DOCK2: variants seen among roughly 807,000 people sequenced by gnomAD.
DOCK2 encodes the protein dedicator of cytokinesis protein 2.
In DOCK2, 87 loss-of-function variants were observed where a neutral mutation model predicts 248.9. The observed-to-expected ratio is 0.35, with a 90% CI of 0.29 to 0.42. The LOEUF is 0.42. Ranked by LOEUF, DOCK2 falls within the 10% of genes least tolerant of loss-of-function variation. DOCK2 has a pLI of 1.00. For missense variants in DOCK2, 1,747 were observed against 2,300.2 expected, an observed-to-expected ratio of 0.76 and a Z score of 4.92; for synonymous variants, 805 against 821.6, an observed-to-expected ratio of 0.98 and a Z score of 0.35.
intron 9 of DOCK2, among the ~76,000 whole-genome samples, chr5:169,694,227 G>C (rs1358937811): frequency 6.6e-6 from 1 of 152,208 alleles, no homozygotes; most frequent in Non-Finnish European, 1.5e-5. Flanking sequence ...CTTATTCCCA[G>C]TGCATATGCC....
At chr5:169,815,545 G>C (rs1768015793) in intron 26 of DOCK2, among the ~76,000 whole-genome samples, 1 of 152,080 alleles carries the variant, frequency 6.6e-6, no homozygotes. Context: ...AGAATGTAAT[G>C]GGGCACCAAA....
chr5:169,952,775 A>G (rs1011093178), intron 27 of DOCK2, among the ~76,000 whole-genome samples: 1 of 152,188 alleles, frequency 6.6e-6, no homozygotes, highest in Admixed American at 6.5e-5. Context: ...ATGCCGTTTC[A>G]ATCCAGGGTA....
intron 27 of DOCK2, among the ~76,000 whole-genome samples, chr5:169,897,580 G>T (rs1773686629): frequency 6.6e-6 from 1 of 152,196 alleles, no homozygotes; most frequent in Admixed American, 6.5e-5. Context: ...TGGGAAGTAG[G>T]GTTGCCCTGT....
At chr5:169,739,995 G>A (rs1355052694) in intron 22 of DOCK2, among the ~76,000 whole-genome samples, 1 of 152,074 alleles carries the variant, frequency 6.6e-6, no homozygotes, top group Non-Finnish European at 1.5e-5. Flanking sequence ...TATATTGGGG[G>A]GAAAAACCCT....
At chr5:169,660,774 C>T (rs1758402927) in intron 2 of DOCK2, among the ~76,000 whole-genome samples, 1 of 152,196 alleles carries the variant, frequency 6.6e-6, no homozygotes, top group Non-Finnish European at 1.5e-5. Flanking sequence ...TTGTTCAGGT[C>T]TGCTGTAGTG....
intron 25 of DOCK2, among the ~76,000 whole-genome samples, chr5:169,769,492 G>A (rs1764969487): frequency 6.6e-6 from 1 of 152,212 alleles, no homozygotes; most frequent in South Asian, 2.1e-4. Flanking sequence ...TGATGAATGG[G>A]GAAAGATGTG....
At chr5:169,896,938 G>T (rs148728302) in intron 27 of DOCK2, among the ~76,000 whole-genome samples, 42 of 152,282 alleles carry the variant, frequency 2.8e-4, no homozygotes, top group African/African-American at 9.9e-4. Flanking sequence ...ACTTTGACGT[G>T]AGCTTCCTAG....
chr5:169,719,070 T>A (rs1401202881), intron 22 of DOCK2, among the ~76,000 whole-genome samples: 2 of 152,252 alleles, frequency 1.3e-5, no homozygotes, highest in Non-Finnish European at 2.9e-5. Flanking sequence ...TTCATTTGAT[T>A]TGAAATATGG....
intron 40 of DOCK2, among the ~76,000 whole-genome samples, chr5:170,049,065 T>C (rs961477610): frequency 2.6e-5 from 4 of 152,190 alleles, no homozygotes; most frequent in Non-Finnish European, 5.9e-5. Flanking sequence ...AACCTGGCTG[T>C]ACGTCAGAAT....
intron 2 of DOCK2, among the ~76,000 whole-genome samples, chr5:169,665,699 C>T (rs1758687274): frequency 6.6e-6 from 1 of 152,144 alleles, no homozygotes; most frequent in Admixed American, 6.5e-5. Flanking sequence ...GTTTGTAGCA[C>T]TCCTCTGGGG....
At chr5:169,985,059 T>C (rs1380969092) in intron 28 of DOCK2, among the ~76,000 whole-genome samples, 2 of 152,144 alleles carry the variant, frequency 1.3e-5, no homozygotes, top group South Asian at 2.1e-4. Flanking sequence ...GGGATTACAG[T>C]GTCTGCCACC....
intron 11 of DOCK2, 130 bp downstream of exon 11, chr5:169,698,579 G>T (rs979164820): frequency 3.0e-5 from 28 of 944,164 alleles, no homozygotes; most frequent in Admixed American, 8.5e-5. Flanking sequence ...GGAAGCTCAG[G>T]GTGAGAATCA....
intron 27 of DOCK2, among the ~76,000 whole-genome samples, chr5:169,929,278 T>C (rs763352968): frequency 6.6e-6 from 1 of 152,224 alleles, no homozygotes; most frequent in Non-Finnish European, 1.5e-5. Flanking sequence ...ATGGTAAACA[T>C]TTCTCTTTCC....
Position 169,887,017 on chromosome 5 carries a change from A to C in DOCK2, c.2799+46165A>C, listed in dbSNP as rs533036008. Among the ~76,000 whole-genome samples the C allele has an allele frequency of 1.2e-3, 185 of 152,350 alleles. 3 individuals carry two copies. The highest frequency in any genetic ancestry group is 7.9e-4 in the Non-Finnish European group (54 of 68,032). On this transcript the variant is annotated intron_variant, in intron 27 of 51. Coordinates refer to ENST00000520908, the MANE Select transcript of DOCK2 (RefSeq NM_004946.3). Reference sequence around the variant, plus strand: ...TATAAATGAGGGAACTGAGGCACAGAAGATGAATATATTTATACCAAGTTA... The same window carrying C: ...TATAAATGAGGGAACTGAGGCACAGCAGATGAATATATTTATACCAAGTTA...
intron 27 of DOCK2, among the ~76,000 whole-genome samples, chr5:169,974,253 G>C (rs1777633849): frequency 6.6e-6 from 1 of 152,186 alleles, no homozygotes; most frequent in African/African-American, 2.4e-5. Flanking sequence ...ATAAGATAAA[G>C]CTTACATAGT....
chr5:169,729,184 T>TAAGAAGGGTCTAGTTTGC (rs1307945663), intron 22 of DOCK2, among the ~76,000 whole-genome samples: 1 of 152,190 alleles, frequency 6.6e-6, no homozygotes, highest in Non-Finnish European at 1.5e-5. Flanking sequence ...ACATACCGGA[T>TAAGAAGGGTCTAGTTTGC]AAGAAGGGTC....
chr5:169,875,289 G>C (rs542643694), intron 27 of DOCK2: 1 of 456,484 alleles, frequency 2.2e-6, no homozygotes, highest in Non-Finnish European at 4.4e-6. Context: ...GTGGCTTTGG[G>C]GCTGAAACCC....
intron 26 of DOCK2, among the ~76,000 whole-genome samples, chr5:169,804,739 G>C (rs553438948): frequency 6.6e-6 from 1 of 152,242 alleles, no homozygotes; most frequent in Non-Finnish European, 1.5e-5. Context: ...AATAAATAGA[G>C]CAAATAAATG....
intron 32 of DOCK2, among the ~76,000 whole-genome samples, chr5:170,010,956 C>G (rs1755265114): frequency 6.6e-6 from 1 of 152,216 alleles, no homozygotes; most frequent in African/African-American, 2.4e-5. Context: ...GCAGGCATTC[C>G]TGCACTCCCA....
Sources: allele counts gnomAD v4.1 joint callset (sites outside exome capture counted in the v4.1 genomes callset), GRCh38; gene constraint gnomAD v4.1.1; transcripts MANE v1.5; gene names NCBI Gene and HGNC (gene_info 2026-07-23, HGNC 2026-07-21).